Variants in SETD5 observed in about 807,000 individuals in gnomAD.
The protein encoded by SETD5 is SET domain containing 5, also known as histone-lysine N-methyltransferase SETD5.
Under a neutral mutation model 153.3 loss-of-function variants are expected in SETD5, and 44 were observed. That is an observed-to-expected ratio of 0.29 (90% confidence interval 0.23 to 0.37). The LOEUF is 0.37. Ranked by LOEUF, SETD5 falls within the 10% of genes least tolerant of loss-of-function variation. The probability of loss-of-function intolerance (pLI) is 1.00; values close to 1 mark genes in which losing one functional copy is unlikely to be tolerated. For missense variants in SETD5, 1,544 were observed against 1,768.0 expected (o/e 0.87, Z 2.27); for synonymous variants, 716 against 645.2 (o/e 1.11, Z -1.66).
intron 1 of SETD5, among the ~76,000 whole-genome samples, chr3:9,409,906 A>C (rs918851949): frequency 1.3e-5 from 2 of 152,206 alleles, no homozygotes; most frequent in African/African-American, 2.4e-5. Context: ...GTTTTGTGCC[A>C]CAATACACAC....
At chr3:9,465,573 C>G (rs60771966) in intron 18 of SETD5, among the ~76,000 whole-genome samples, 1 of 152,094 alleles carries the variant, frequency 6.6e-6, no homozygotes, top group Admixed American at 6.6e-5. Flanking sequence ...ACATTTTAAC[C>G]AATCTTACGT....
chr3:9,409,230 A>T (rs1186844300), intron 1 of SETD5, among the ~76,000 whole-genome samples: 1 of 152,166 alleles, frequency 6.6e-6, no homozygotes, highest in East Asian at 1.9e-4. Context: ...ATATTTTCTT[A>T]CTTCTTCATT....
rs532554934 is a variant in SETD5, at chr3:9,454,546, C to T, written c.2476+678C>T. Reference sequence around the variant, plus strand: ...GAGGCAGTGGAGAATCACTTGAACCCGGGAGGTGGAGGTTACAGTGAGCCA... The same window carrying T: ...GAGGCAGTGGAGAATCACTTGAACCTGGGAGGTGGAGGTTACAGTGAGCCA... On this transcript the variant is annotated intron_variant, in intron 17 of 22. Coordinates refer to ENST00000402198, the MANE Select transcript of SETD5 (RefSeq NM_001080517.3). Among the ~76,000 whole-genome samples the T allele has an allele frequency of 1.5e-4, 21 of 141,926 alleles. No homozygotes were observed. The East Asian group carries it at 3.9e-3, about 26-fold the overall frequency. The allele number at this position is 141,926 out of a possible 152,430, so 93.1% of individuals were successfully genotyped here.
chr3:9,460,467 TTGAATGACTTCTATAGTTCATTGC>T (rs1400161880), intron 17 of SETD5, among the ~76,000 whole-genome samples: 1 of 151,848 alleles, frequency 6.6e-6, no homozygotes, highest in African/African-American at 2.4e-5. Context: ...AGCATGGTCA[TTGAATGACTTCTATAGTTCATTGC>T]TAGAATAGCT....
At chr3:9,429,666 A>G (rs1476120951) in intron 3 of SETD5, among the ~76,000 whole-genome samples, 5 of 152,182 alleles carry the variant, frequency 3.3e-5, no homozygotes, top group Non-Finnish European at 7.3e-5. Flanking sequence ...ATGACAATGA[A>G]GGTAGGCCTT....
chr3:9,421,185 A>AT, intron 1 of SETD5, among the ~76,000 whole-genome samples: 1 of 152,250 alleles, frequency 6.6e-6, no homozygotes, highest in Non-Finnish European at 1.5e-5. Context: ...CACAATGAAG[A>AT]TTTTACTTTG....
At chr3:9,419,519 T>C (rs2038062254) in intron 1 of SETD5, among the ~76,000 whole-genome samples, 1 of 152,044 alleles carries the variant, frequency 6.6e-6, no homozygotes. Flanking sequence ...TGAGCTGTGA[T>C]TGCACCAAAG....
At chr3:9,474,806 G>C in intron 21 of SETD5, 1 of 642,466 alleles carries the variant, frequency 1.6e-6, no homozygotes, top group Non-Finnish European at 2.6e-6. Flanking sequence ...ATACCTTTCT[G>C]TAACTCTCAT....
At position 9,434,493 on chromosome 3, in the gene SETD5, C is replaced by T; in HGVS notation, c.329+8C>T. 2 of 1,613,860 alleles carry T rather than the reference C, an allele frequency of 1.2e-6. No homozygotes were observed. The highest frequency in any genetic ancestry group is 1.7e-6 in the Non-Finnish European group (2 of 1,179,816). On this transcript the variant is annotated splice_region_variant and intron_variant, in intron 5 of 22. Coordinates refer to ENST00000402198, the MANE Select transcript of SETD5 (RefSeq NM_001080517.3). This position sits in a 1 kb window ranked among gnomAD's most constrained non-coding sequence, Gnocchi z 5.6. ...CAACTGTGACAAGTGCAGGTAAGATCCTGTTCCATCTAAATTTAAGTCTGG... is the reference window on the plus strand; with the variant it reads ...CAACTGTGACAAGTGCAGGTAAGATTCTGTTCCATCTAAATTTAAGTCTGG...
chr3:9,444,937 G>A, intron 11 of SETD5, 111 bp from the exon 12 acceptor site: 2 of 1,382,444 alleles, frequency 1.4e-6, no homozygotes, highest in East Asian at 4.6e-5. Context: ...AACTTATTCA[G>A]AGACAATATC....
Position 9,434,571 on chromosome 3 carries a change from C to G in SETD5, c.329+86C>G. ...TAGGGAAAAGCTCAAAGTATTCTTT[C>G]TTGTGTTTGTTAATGTAGATGATTC... On this transcript the variant is annotated intron_variant, in intron 5 of 22. Transcript: ENST00000402198. This position sits in a 1 kb window ranked among gnomAD's most constrained non-coding sequence, Gnocchi z 5.6. The G allele has an allele frequency of 6.4e-7, 1 of 1,573,704 alleles. No individual in the cohort carries two copies. Among genetic ancestry groups the G allele is most frequent in the Non-Finnish European group, 8.6e-7 (1 of 1,159,620 alleles).
intron 19 of SETD5, among the ~76,000 whole-genome samples, chr3:9,472,584 G>A (rs1345424381): frequency 6.6e-6 from 1 of 152,210 alleles, no homozygotes; most frequent in Non-Finnish European, 1.5e-5. Context: ...ACATCTATGT[G>A]TAAGACAGAA....
chr3:9,455,026 A>G lies in SETD5; in HGVS notation c.2476+1158A>G, dbSNP rs185424931. 2.1e-3 allele frequency among the ~76,000 whole-genome samples: 323 copies of G among 152,278 alleles called. 3 individuals carry two copies. Among genetic ancestry groups the G allele is most frequent in the Non-Finnish European group, 2.7e-3 (186 of 68,018 alleles). The stretch of plus-strand genomic sequence containing the variant: ...CCAACTTGCTGAATAAATGTAATGA[A>G]CTTGAATTTAATTAGATAAATTTTT... On this transcript the variant is annotated intron_variant, in intron 17 of 22. Coordinates refer to ENST00000402198, the MANE Select transcript of SETD5 (RefSeq NM_001080517.3).
intron 2 of SETD5, among the ~76,000 whole-genome samples, chr3:9,428,159 G>T (rs552861043): frequency 1.7e-4 from 26 of 151,990 alleles, no homozygotes; most frequent in African/African-American, 6.0e-4. Context: ...GCCTCCTCCT[G>T]GTTTATATTT....
intron 1 of SETD5, among the ~76,000 whole-genome samples, chr3:9,407,433 T>C (rs2035880532): frequency 6.6e-6 from 1 of 152,198 alleles, no homozygotes; most frequent in Non-Finnish European, 1.5e-5. Context: ...GAAGGAAGGC[T>C]CTAGGTAGGT....
At chr3:9,409,918 C>G (rs1331430682) in intron 1 of SETD5, among the ~76,000 whole-genome samples, 1 of 152,192 alleles carries the variant, frequency 6.6e-6, no homozygotes, top group African/African-American at 2.4e-5. Context: ...AATACACACA[C>G]TACAGTTTTA....
In SETD5 at chr3:9,476,409, C is replaced by G. The variant is rs2045853577; in HGVS notation, c.*318C>G. 2 of 271,160 alleles carry G rather than the reference C, an allele frequency of 7.4e-6. No homozygotes were observed. Among genetic ancestry groups the G allele is most frequent in the Non-Finnish European group, 1.4e-5 (2 of 141,368 alleles). The allele number at this position is 271,160 out of a possible 1,614,324, so 16.8% of individuals were successfully genotyped here. ...TGTGTTGAAGCCTCCGTCTCCCATC[C>G]TTGCCTGTAGCCCGTAGTCACTTGT... On this transcript the variant is annotated 3_prime_UTR_variant, in exon 23 of 23. Coordinates refer to ENST00000402198, the MANE Select transcript of SETD5 (RefSeq NM_001080517.3).
Position 9,475,482 on chromosome 3 carries a change from G to T in SETD5, c.3721-1G>T, listed in dbSNP as rs1226313778. 1 of 1,605,320 alleles carries T rather than the reference G, an allele frequency of 6.2e-7. No individual in the cohort carries two copies. The highest frequency in any genetic ancestry group is 8.5e-7 in the Non-Finnish European group (1 of 1,173,232). Reference sequence around the variant, plus strand: ...ATTCGTTTCCTCCCAACTTTGTCTAGCTCCTGCAGTGTGATAGTCCTCGGA... The same window carrying T: ...ATTCGTTTCCTCCCAACTTTGTCTATCTCCTGCAGTGTGATAGTCCTCGGA... On this transcript the variant is annotated splice_acceptor_variant, in intron 22 of 22. Transcript: ENST00000402198. LOFTEE classifies it high-confidence loss of function.
rs1173572206 is a variant in SETD5, at chr3:9,475,937, C to T, written c.4175C>T (p.Pro1392Leu). The change falls in exon 23 of 23, where the codon CCC becomes CTC. Residue 1392 changes from proline (P) to leucine (L), a missense_variant. Pro to Leu is a moderately conservative substitution (Grantham distance 98, BLOSUM62 -3). This residue lies in a region of SETD5 where 302 missense variants were observed against 277.6 expected (regional missense o/e 1.09). Transcript: ENST00000402198. Reference protein sequence around the residue: ...LPSDLRTISLPSAGQSAVYQA... With the variant: ...LPSDLRTISLLSAGQSAVYQA... ...TCAGACTTACGGACTATCAGTCTGC[C>T]CAGTGCTGGGCAGTCAGCTGTCTAC... 1.9e-6 allele frequency: 3 copies of T among 1,613,980 alleles called. No individual in the cohort carries two copies. The highest frequency in any genetic ancestry group is 2.5e-6 in the Non-Finnish European group (3 of 1,179,898).
Sources: allele counts gnomAD v4.1 joint callset (sites outside exome capture counted in the v4.1 genomes callset), GRCh38; gene constraint gnomAD v4.1.1; regional missense constraint gnomAD v4.1.1; non-coding constraint Gnocchi (gnomAD v3.1); transcripts MANE v1.5; gene names NCBI Gene and HGNC (gene_info 2026-07-23, HGNC 2026-07-21).